MAP3K4: variants seen among roughly 807,000 people sequenced by gnomAD.
The protein encoded by MAP3K4 is MAP three kinase 1.
Under a neutral mutation model 185.6 loss-of-function variants are expected in MAP3K4, and 67 were observed. The ratio of observed to expected loss-of-function variants is 0.36; its 90% CI spans 0.30 to 0.44. MAP3K4 has a LOEUF of 0.44. MAP3K4 is among the 20% of genes least tolerant of loss of function. The pLI is 1.00. For missense variants in MAP3K4, 1,551 were observed against 1,995.1 expected, an observed-to-expected ratio of 0.78 and a Z score of 4.24; for synonymous variants, 702 against 710.4, an observed-to-expected ratio of 0.99 and a Z score of 0.19.
At chr6:161,062,709 C>T (rs1450565356) in intron 3 of MAP3K4, among the ~76,000 whole-genome samples, 1 of 152,162 alleles carries the variant, frequency 6.6e-6, no homozygotes, top group Non-Finnish European at 1.5e-5. Flanking sequence ...GTTGAATGGT[C>T]TGATGACAAT....
At chr6:161,030,354 A>C (rs186308804) in intron 1 of MAP3K4, among the ~76,000 whole-genome samples, 2 of 152,180 alleles carry the variant, frequency 1.3e-5, no homozygotes, top group Non-Finnish European at 2.9e-5. Context: ...TTATCATTAT[A>C]ATGTCTACTT....
At position 161,108,967 on chromosome 6, in the gene MAP3K4, C is replaced by G; in HGVS notation, c.4236+108C>G. The G allele has an allele frequency of 1.9e-6, 3 of 1,610,472 alleles. No homozygotes were observed. Among genetic ancestry groups the G allele is most frequent in the Non-Finnish European group, 2.5e-6 (3 of 1,179,134 alleles). ...TCATTTCAGAGCACAGTAACTTTGC[C>G]TAATTCTCAGGAAATCTCCATGAGT... is the stretch of plus-strand genomic sequence containing the variant. On this transcript the variant is annotated intron_variant, in intron 22 of 26. Transcript: ENST00000392142. The surrounding 1 kb of genome is among the most constrained non-coding windows in gnomAD (Gnocchi z 5.7).
chr6:161,078,403 A>T lies in MAP3K4; in HGVS notation c.2098-2478A>T, dbSNP rs113882483. Reference sequence around the variant, plus strand: ...GACGCCAGCATGCTGATAGCAGTGCAGTTGAAAGGATAAGCCCATGGGATC... The same window carrying T: ...GACGCCAGCATGCTGATAGCAGTGCTGTTGAAAGGATAAGCCCATGGGATC... On this transcript the variant is annotated intron_variant, in intron 5 of 26. Coordinates refer to ENST00000392142, the MANE Select transcript of MAP3K4 (RefSeq NM_005922.4). Among the ~76,000 whole-genome samples the T allele has an allele frequency of 8.1e-3, 1,231 of 152,306 alleles. 14 individuals are homozygous for T. The highest frequency in any genetic ancestry group is 0.028 in the African/African-American group (1,151 of 41,558).
At chr6:161,099,116 A>G (rs7754196) in intron 17 of MAP3K4, among the ~76,000 whole-genome samples, 10,068 of 152,194 alleles carry the variant, frequency 0.066, 914 homozygotes, top group African/African-American at 0.21. Flanking sequence ...TTCTCTCTCA[A>G]TTTCACACTT....
rs1259356174 is a variant in MAP3K4, at chr6:161,037,806, T to C, written c.343+3357T>C. The stretch of plus-strand genomic sequence containing the variant: ...ATTAAATAATTACATTGTTGACATA[T>C]CCTTATTAAATGGTGTGCCCATTTT... On this transcript the variant is annotated intron_variant, in intron 2 of 26. Transcript: ENST00000392142. The surrounding 1 kb of genome is among the most constrained non-coding windows in gnomAD (Gnocchi z 4.2). Among the ~76,000 whole-genome samples, 1 of 152,212 alleles carries C rather than the reference T, an allele frequency of 6.6e-6. No individual in the cohort carries two copies. Among genetic ancestry groups the C allele is most frequent in the East Asian group, 1.9e-4 (1 of 5,196 alleles).
Position 161,070,417 on chromosome 6 carries a change from A to G in MAP3K4, c.1708-191A>G, listed in dbSNP as rs949050134. 1.3e-5 allele frequency among the ~76,000 whole-genome samples: 2 copies of G among 152,168 alleles called. No individual in the cohort carries two copies. Among genetic ancestry groups the G allele is most frequent in the Non-Finnish European group, 2.9e-5 (2 of 68,024 alleles). ...TCATTATGGTTTCCAGCATTCTTAG[A>G]ACTTTTTGGATCTATGTTGAAAATG... On this transcript the variant is annotated intron_variant, in intron 3 of 26. Transcript: ENST00000392142. The surrounding 1 kb of genome is among the most constrained non-coding windows in gnomAD (Gnocchi z 4.5).
chr6:161,021,579 G>A (rs1782391658), intron 1 of MAP3K4, among the ~76,000 whole-genome samples: 1 of 152,200 alleles, frequency 6.6e-6, no homozygotes, highest in African/African-American at 2.4e-5. Flanking sequence ...CTCCAGGTTA[G>A]GTCCTATCTG....
chr6:161,091,612 C>A lies in MAP3K4; in HGVS notation c.3135+72C>A. The A allele has an allele frequency of 7.6e-7, 1 of 1,315,392 alleles. No homozygotes were observed. The highest frequency in any genetic ancestry group is 1.3e-5 in the South Asian group (1 of 74,340). The allele number at this position is 1,315,392 out of a possible 1,614,324, so 81.5% of individuals were successfully genotyped here. Reference sequence around the variant, plus strand: ...GATAACTTACAGAAAGTTTTTGGAACCTTTTACAGTAAATCTGATATTGTA... The same window carrying A: ...GATAACTTACAGAAAGTTTTTGGAAACTTTTACAGTAAATCTGATATTGTA... On this transcript the variant is annotated intron_variant, in intron 12 of 26. Transcript: ENST00000392142. The surrounding 1 kb of genome is among the most constrained non-coding windows in gnomAD (Gnocchi z 5.5).
At chr6:161,052,990 C>A (rs1784073944) in intron 3 of MAP3K4, among the ~76,000 whole-genome samples, 1 of 152,112 alleles carries the variant, frequency 6.6e-6, no homozygotes, top group African/African-American at 2.4e-5. Flanking sequence ...TGTTGTGAGG[C>A]TGAAAAAGAT....
Position 161,109,612 on chromosome 6 carries a change from T to A in MAP3K4, c.4237-143T>A, listed in dbSNP as rs1374453253. Reference sequence around the variant, plus strand: ...TTAGAAACGACTGTTGTGAGACACATTCAGTGCTCAGGATGGCAAGTGTAG... The same window carrying A: ...TTAGAAACGACTGTTGTGAGACACAATCAGTGCTCAGGATGGCAAGTGTAG... On this transcript the variant is annotated intron_variant, in intron 22 of 26. Coordinates refer to ENST00000392142, the MANE Select transcript of MAP3K4 (RefSeq NM_005922.4). The surrounding 1 kb of genome is among the most constrained non-coding windows in gnomAD (Gnocchi z 5.7). 9.0e-6 allele frequency: 7 copies of A among 780,570 alleles called. No individual in the cohort carries two copies. Among genetic ancestry groups the A allele is most frequent in the Non-Finnish European group, 1.5e-5 (7 of 480,400 alleles). 48.4% of individuals were successfully genotyped at this position (780,570 alleles called of 1,614,324 possible). A position where few individuals can be genotyped will look rare whatever the true frequency, so the allele number is the denominator to read the frequency against.
At position 161,070,922 on chromosome 6, in the gene MAP3K4, G is replaced by C; in HGVS notation, c.1950+72G>C. The C allele has an allele frequency of 7.4e-7, 1 of 1,357,106 alleles. No individual in the cohort carries two copies. The allele number at this position is 1,357,106 out of a possible 1,614,324, so 84.1% of individuals were successfully genotyped here. On this transcript the variant is annotated intron_variant, in intron 4 of 26. Coordinates refer to ENST00000392142, the MANE Select transcript of MAP3K4 (RefSeq NM_005922.4). The surrounding 1 kb of genome is among the most constrained non-coding windows in gnomAD (Gnocchi z 4.5). The stretch of plus-strand genomic sequence containing the variant: ...CCTACAGGCTTATCATTTTTATTTT[G>C]AGAGTTCCTTTTTTTTTCTTAATTG...
intron 19 of MAP3K4, among the ~76,000 whole-genome samples, chr6:161,104,939 T>A (rs1778001888): frequency 6.6e-6 from 1 of 152,198 alleles, no homozygotes; most frequent in African/African-American, 2.4e-5. Flanking sequence ...ATTTCTCTTT[T>A]CAGATTAACC....
intron 1 of MAP3K4, among the ~76,000 whole-genome samples, chr6:161,004,349 G>C (rs1459134445): frequency 6.6e-6 from 1 of 152,172 alleles, no homozygotes; most frequent in African/African-American, 2.4e-5. Flanking sequence ...ACAATTTTCT[G>C]TTAACTTCTA....
At chr6:161,092,880 G>A (rs1449025816) in intron 13 of MAP3K4, 98 bp from the exon 14 acceptor site, 2 of 689,692 alleles carry the variant, frequency 2.9e-6, no homozygotes, top group Non-Finnish European at 5.1e-6. Context: ...GTCCTAAATA[G>A]TAATTATAAT....
Position 161,011,602 on chromosome 6 carries a change from C to T in MAP3K4, c.152+19519C>T, listed in dbSNP as rs371615080. ...TACTTCTGGAAATGCCAGAAACCGT[C>T]ATGAAAGTTCAACGCCAGAACTGAG... On this transcript the variant is annotated intron_variant, in intron 1 of 26. Transcript: ENST00000392142. 9.2e-5 allele frequency among the ~76,000 whole-genome samples: 14 copies of T among 152,300 alleles called. 1 individual carries two copies. The highest frequency in any genetic ancestry group is 3.4e-4 in the African/African-American group (14 of 41,580).
Position 161,070,731 on chromosome 6 carries a change from T to G in MAP3K4, c.1831T>G (p.Ser611Ala). The change falls in exon 4 of 27, where the codon TCA (serine) becomes GCA (alanine). Residue 611 changes from serine (S) to alanine (A), a missense_variant. Ser to Ala is a moderately conservative substitution (Grantham distance 99). Around this residue, in one of 16 missense-constraint regions of MAP3K4, gnomAD observed 27 missense variants for 64.4 expected, o/e 0.42. Transcript: ENST00000392142. The surrounding 1 kb of genome is among the most constrained non-coding windows in gnomAD (Gnocchi z 4.5). ...WEELKAMDLP[S>A]FEPAFLVLCR... ...GGAGCTGAAGGCCATGGATTTACCTTCATTCGAACCTGCCTTCCTAGTTCT... is the reference window on the plus strand; with the variant it reads ...GGAGCTGAAGGCCATGGATTTACCTGCATTCGAACCTGCCTTCCTAGTTCT... 6.2e-7 allele frequency: 1 copy of G among 1,614,182 alleles called. No homozygotes were observed. Among genetic ancestry groups the G allele is most frequent in the Non-Finnish European group, 8.5e-7 (1 of 1,180,034 alleles).
At chr6:161,090,345 G>A (rs1050543910) in intron 11 of MAP3K4, among the ~76,000 whole-genome samples, 1 of 152,226 alleles carries the variant, frequency 6.6e-6, no homozygotes, top group Non-Finnish European at 1.5e-5. Flanking sequence ...TGACAGAGGT[G>A]ACAAAAGCTC....
intron 1 of MAP3K4, among the ~76,000 whole-genome samples, chr6:161,001,628 G>A (rs372405235): frequency 8.5e-5 from 13 of 152,150 alleles, no homozygotes; most frequent in African/African-American, 2.4e-5. Flanking sequence ...TTCCTGGCTC[G>A]TTGCCTAACA....
chr6:161,003,402 C>G (rs1781422496), intron 1 of MAP3K4, among the ~76,000 whole-genome samples: 1 of 152,230 alleles, frequency 6.6e-6, no homozygotes, highest in African/African-American at 2.4e-5. Flanking sequence ...TTAGTTCATT[C>G]AGTCCTGTGT....
Sources: gnomAD v4.1 joint callset for allele counts (sites outside exome capture counted in the v4.1 genomes callset) on GRCh38, gnomAD v4.1.1 for gene constraint, gnomAD v4.1.1 regional missense constraint, Gnocchi (gnomAD v3.1) non-coding constraint, MANE v1.5 for transcripts, NCBI Gene and HGNC (gene_info 2026-07-23, HGNC 2026-07-21) for gene names.